The following TNFAIP8 variants were observed in gnomAD, a reference collection of about 807,000 sequenced individuals.
TNFAIP8 encodes the protein tumor necrosis factor alpha-induced protein 8.
In TNFAIP8, 7 loss-of-function variants were observed where a neutral mutation model predicts 13.3. That is an observed-to-expected ratio of 0.52 (90% CI 0.30 to 0.99). The LOEUF (loss-of-function observed/expected upper bound fraction) is 0.99. Among genes scored for constraint, TNFAIP8 ranks in the 50% least tolerant of loss-of-function variants. The pLI is 0.07. For synonymous variants in TNFAIP8, 94 were observed against 87.6 expected (o/e 1.07, Z -0.41); for missense variants, 258 against 236.9 (o/e 1.09, Z -0.58).
At chr5:119,376,036 T>A (rs1414665783) in intron 1 of TNFAIP8, among the ~76,000 whole-genome samples, 1 of 152,126 alleles carries the variant, frequency 6.6e-6, no homozygotes, top group Non-Finnish European at 1.5e-5. Context: ...AGTGATGAAA[T>A]GTCGCATTTA....
rs1753004197 is a variant in TNFAIP8, at chr5:119,394,067, A to G, written c.*686A>G. ...GATACTTAAATTTCTCAGAAATGTA[A>G]TGGTGTGTCATTGCCTTGAAATGCT... On this transcript the variant is annotated 3_prime_UTR_variant, in exon 2 of 2. Transcript: ENST00000504771. 1 of 152,206 alleles carries G rather than the reference A, an allele frequency of 6.6e-6. No individual in the cohort carries two copies. Among genetic ancestry groups the G allele is most frequent in the Admixed American group, 6.5e-5 (1 of 15,282 alleles). 9.4% of individuals were successfully genotyped at this position (152,206 alleles called of 1,614,324 possible).
chr5:119,302,531 T>C lies in TNFAIP8; in HGVS notation c.1+33624T>C, dbSNP rs577046664. ...AAATGATTTATTTTTCTCTTGAGAA[T>C]TGGCTCTGCTGAACTGTCAAATTAT... is the stretch of plus-strand genomic sequence containing the variant. On this transcript the variant is annotated intron_variant, in intron 1 of 1. Transcript: ENST00000274456. Among the ~76,000 whole-genome samples, 58 of 152,332 alleles carry C rather than the reference T, an allele frequency of 3.8e-4. 1 individual carries two copies. The South Asian group carries it at 9.7e-3, about 26-fold the overall frequency.
intron 1 of TNFAIP8, among the ~76,000 whole-genome samples, chr5:119,304,011 C>T (rs748284305): frequency 7.9e-5 from 12 of 152,204 alleles, no homozygotes; most frequent in Non-Finnish European, 1.6e-4. Flanking sequence ...TCCTGAGTCT[C>T]CTTTCTTATG....
At chr5:119,367,730 T>A (rs1306406332) in intron 1 of TNFAIP8, among the ~76,000 whole-genome samples, 2 of 152,208 alleles carry the variant, frequency 1.3e-5, no homozygotes, top group Non-Finnish European at 2.9e-5. Flanking sequence ...CAAACCAGTT[T>A]CCAGGCTTAA....
chr5:119,336,492 C>T (rs1390780281), intron 1 of TNFAIP8, among the ~76,000 whole-genome samples: 1 of 151,722 alleles, frequency 6.6e-6, no homozygotes, highest in Non-Finnish European at 1.5e-5. Context: ...CCTATAGAGG[C>T]CTCATAACAA....
chr5:119,293,913 C>T (rs1457749772), intron 1 of TNFAIP8, among the ~76,000 whole-genome samples: 1 of 152,150 alleles, frequency 6.6e-6, no homozygotes. Context: ...TCAGATAACA[C>T]TTGCAGCGCT....
intron 1 of TNFAIP8, among the ~76,000 whole-genome samples, chr5:119,340,632 C>T (rs1750704309): frequency 6.6e-6 from 1 of 151,880 alleles, no homozygotes; most frequent in East Asian, 1.9e-4. Context: ...TTCTTGGGTT[C>T]TGGGCAGGGT....
At chr5:119,348,003 T>G (rs776413971) in intron 1 of TNFAIP8, among the ~76,000 whole-genome samples, 14 of 152,228 alleles carry the variant, frequency 9.2e-5, no homozygotes, top group Admixed American at 3.3e-4. Context: ...TACATTTGTC[T>G]TCTTTGTGCA....
At position 119,337,217 on chromosome 5, in the gene TNFAIP8, A is replaced by C. The variant is rs138012731; in HGVS notation, c.2-55599A>C. 5.9e-5 allele frequency among the ~76,000 whole-genome samples: 9 copies of C among 152,320 alleles called. 1 individual carries two copies. The East Asian group carries it at 1.2e-3, about 20-fold the overall frequency. ...TATAGCAGAGCTCCCATTCTAGACT[A>C]TATGAGATTTACCTCATCATCATAT... On this transcript the variant is annotated intron_variant, in intron 1 of 1. Coordinates refer to the TNFAIP8 transcript ENST00000274456.
At chr5:119,331,234 C>T (rs1419188794) in intron 1 of TNFAIP8, among the ~76,000 whole-genome samples, 2 of 141,370 alleles carry the variant, frequency 1.4e-5, no homozygotes, top group African/African-American at 2.6e-5. Context: ...GAGATATTAG[C>T]TTTTTTTTTT....
intron 1 of TNFAIP8, among the ~76,000 whole-genome samples, chr5:119,379,342 G>T (rs774842715): frequency 8.5e-5 from 13 of 152,164 alleles, no homozygotes; most frequent in Non-Finnish European, 1.9e-4. Context: ...ACTTGTCAAG[G>T]ATTCTAAATA....
chr5:119,368,446 TGTGTGTGTGTGTGC>T (rs1315974320), intron 1 of TNFAIP8, among the ~76,000 whole-genome samples: 6 of 138,994 alleles, frequency 4.3e-5, no homozygotes, highest in African/African-American at 1.1e-4. Flanking sequence ...TGTGTGTGTG[TGTGTGTGTGTGTGC>T]GTGTGTGTGT....
Position 119,393,247 on chromosome 5 carries a change from G to C in TNFAIP8, c.463G>C (p.Val155Leu), listed in dbSNP as rs777073356. The C allele has an allele frequency of 2.1e-5, 34 of 1,614,008 alleles. No homozygotes were observed. Among genetic ancestry groups the C allele is most frequent in the Non-Finnish European group, 2.7e-5 (32 of 1,179,888 alleles). The change falls in exon 2 of 2, where the codon GTT becomes CTT. Residue 155 changes from valine (V) to leucine (L), a missense_variant. Coordinates refer to ENST00000504771, the MANE Select transcript of TNFAIP8 (RefSeq NM_014350.4). The stretch of plus-strand genomic sequence containing the variant: ...CCTCACTGCCAAGTCACATGGACGG[G>C]TTAATAATGTGTTTGATCATTTTTC... ...RHLTAKSHGR[V>L]NNVFDHFSDC...
chr5:119,280,488 C>T (rs529934688), intron 1 of TNFAIP8, among the ~76,000 whole-genome samples: 181 of 152,184 alleles, frequency 1.2e-3, no homozygotes, highest in African/African-American at 3.5e-3. Context: ...TTCACACTCA[C>T]GGTACAGTTT....
chr5:119,306,803 T>C (rs1293273360), intron 1 of TNFAIP8, among the ~76,000 whole-genome samples: 4 of 152,212 alleles, frequency 2.6e-5, no homozygotes, highest in African/African-American at 7.2e-5. Flanking sequence ...AGAAGTAATA[T>C]GTATTCAAGG....
rs1208487249 is a variant in TNFAIP8, at chr5:119,393,480, A to G, written c.*99A>G. 9.6e-6 allele frequency: 11 copies of G among 1,143,946 alleles called. No homozygotes were observed. In the African/African-American group the frequency reaches 1.1e-4, roughly 11 times the overall value. The allele number at this position is 1,143,946 out of a possible 1,614,324, so 70.9% of individuals were successfully genotyped here. On this transcript the variant is annotated 3_prime_UTR_variant, in exon 2 of 2. Transcript: ENST00000504771. ...GAAGAATTTTCTAAAGATTACACAT[A>G]TTTCAGAAAGACTTTACCCAATTCA...
intron 1 of TNFAIP8, among the ~76,000 whole-genome samples, chr5:119,346,228 A>G (rs1750896089): frequency 1.3e-5 from 2 of 152,180 alleles, no homozygotes. Flanking sequence ...CTGCAAAATC[A>G]ACCGAGAGGG....
intron 1 of TNFAIP8, among the ~76,000 whole-genome samples, chr5:119,335,746 G>GCCCACACC (rs1673365822): frequency 6.6e-6 from 1 of 151,986 alleles, no homozygotes; most frequent in South Asian, 2.1e-4. Context: ...CCCTGCTCTT[G>GCCCACACC]GAGAGCTGAT....
chr5:119,366,039 G>T (rs1459631207), intron 1 of TNFAIP8, among the ~76,000 whole-genome samples: 2 of 152,018 alleles, frequency 1.3e-5, no homozygotes, highest in Non-Finnish European at 2.9e-5. Context: ...GAGTAGGAGG[G>T]TGTGAGAGCA....
Sources: gnomAD v4.1 joint callset for allele counts (sites outside exome capture counted in the v4.1 genomes callset) on GRCh38, gnomAD v4.1.1 for gene constraint, MANE v1.5 for transcripts, NCBI Gene and HGNC (gene_info 2026-07-23, HGNC 2026-07-21) for gene names.